DDI2: variants seen among roughly 807,000 people sequenced by gnomAD.
DDI2 encodes the protein protein DDI1 homolog 2.
Under a neutral mutation model 48.1 loss-of-function variants are expected in DDI2, and 5 were observed. The ratio of observed to expected loss-of-function variants is 0.10; its 90% confidence interval spans 0.05 to 0.22. DDI2 has a LOEUF of 0.22. Ranked by LOEUF, DDI2 falls within the 10% of genes least tolerant of loss-of-function variation. The pLI is 1.00. For missense variants in DDI2, 285 were observed against 506.2 expected, an observed-to-expected ratio of 0.56 and a Z score of 4.19; for synonymous variants, 205 against 183.6, an observed-to-expected ratio of 1.12 and a Z score of -0.94.
At chr1:15,634,483 C>T (rs972975924) in intron 4 of DDI2, among the ~76,000 whole-genome samples, 2 of 150,570 alleles carry the variant, frequency 1.3e-5, no homozygotes, top group South Asian at 4.2e-4. Context: ...TTGTATTACA[C>T]TATCTATCAA....
At chr1:15,646,516 G>C (rs954153325) in intron 6 of DDI2, among the ~76,000 whole-genome samples, 1 of 151,716 alleles carries the variant, frequency 6.6e-6, no homozygotes, top group African/African-American at 2.4e-5. Context: ...GTGAAACCCT[G>C]TCTCTACTAA....
chr1:15,652,058 C>CTTTTTTTTTTTTTTTTTTT (rs772990709), intron 8 of DDI2, among the ~76,000 whole-genome samples, 163 bp downstream of exon 8: 22 of 75,978 alleles, frequency 2.9e-4, no homozygotes, highest in African/African-American at 1.2e-3. Context: ...TTTGATCTTC[C>CTTTTTTTTTTTTTTTTTTT]TTTTTTTTTT....
intron 1 of DDI2, among the ~76,000 whole-genome samples, chr1:15,620,666 T>A (rs1046515453): frequency 6.6e-6 from 1 of 152,236 alleles, no homozygotes; most frequent in African/African-American, 2.4e-5. Context: ...GTAAAATGTT[T>A]CAGATTATGC....
At chr1:15,627,663 A>G (rs1474686557) in intron 2 of DDI2, among the ~76,000 whole-genome samples, 1 of 152,218 alleles carries the variant, frequency 6.6e-6, no homozygotes, top group Non-Finnish European at 1.5e-5. Context: ...CAAAATGATT[A>G]TAAGGTCTTA....
At chr1:15,654,373 C>A (rs566810402) in intron 8 of DDI2, among the ~76,000 whole-genome samples, 8 of 152,234 alleles carry the variant, frequency 5.3e-5, no homozygotes, top group African/African-American at 1.9e-4. Flanking sequence ...CAGTTTGAGT[C>A]AGGGCGTGGT....
chr1:15,625,496 G>T (rs1449457552), intron 1 of DDI2, among the ~76,000 whole-genome samples: 1 of 152,008 alleles, frequency 6.6e-6, no homozygotes, highest in East Asian at 1.9e-4. Flanking sequence ...TCATCTATTT[G>T]TGCTGTCAGG....
intron 6 of DDI2, among the ~76,000 whole-genome samples, chr1:15,649,468 T>A (rs1640144860): frequency 6.6e-6 from 1 of 152,000 alleles, no homozygotes; most frequent in Non-Finnish European, 1.5e-5. Context: ...GCCAAGAGTT[T>A]GAGACCAGCC....
At chr1:15,631,171 C>A (rs1246245859) in intron 3 of DDI2, among the ~76,000 whole-genome samples, 1 of 151,448 alleles carries the variant, frequency 6.6e-6, no homozygotes, top group African/African-American at 2.4e-5. Flanking sequence ...TTAGTTAGAT[C>A]TTCAATTAAA....
Position 15,661,885 on chromosome 1 carries a change from T to A in DDI2, c.*2095T>A. 1 of 1,001,462 alleles carries A rather than the reference T, an allele frequency of 1.0e-6. No homozygotes were observed. The highest frequency in any genetic ancestry group is 1.4e-6 in the Non-Finnish European group (1 of 737,648). 62.0% of individuals were successfully genotyped at this position (1,001,462 alleles called of 1,614,324 possible). A position where few individuals can be genotyped will look rare whatever the true frequency, so the allele number is the denominator to read the frequency against. ...TTTTAAAGATTTTTTTCGGCCAAAGTAATTTATGATCTTTTGTCTGATGAA... is the reference window on the plus strand; with the variant it reads ...TTTTAAAGATTTTTTTCGGCCAAAGAAATTTATGATCTTTTGTCTGATGAA... On this transcript the variant is annotated 3_prime_UTR_variant, in exon 10 of 10. Transcript: ENST00000480945.
chr1:15,644,698 A>G (rs952094944), intron 6 of DDI2, among the ~76,000 whole-genome samples: 2 of 136,554 alleles, frequency 1.5e-5, no homozygotes, highest in Non-Finnish European at 3.0e-5. Context: ...GGTTCACACC[A>G]TTCTCCTACC....
chr1:15,625,213 G>C (rs1639733555), intron 1 of DDI2, among the ~76,000 whole-genome samples: 1 of 152,194 alleles, frequency 6.6e-6, no homozygotes, highest in Non-Finnish European at 1.5e-5. Flanking sequence ...CTGTAATGAT[G>C]ATCTAGCCCA....
Position 15,660,344 on chromosome 1 carries a change from T to G in DDI2, c.*554T>G. ...GATTGGCATCCAGAAAATCAGAACC[T>G]GAGTCAAGTGAGTGACCCTCAGCAG... On this transcript the variant is annotated 3_prime_UTR_variant, in exon 10 of 10. Coordinates refer to ENST00000480945, the MANE Select transcript of DDI2 (RefSeq NM_032341.5). 3 of 1,614,144 alleles carry G rather than the reference T, an allele frequency of 1.9e-6. No individual in the cohort carries two copies. Among genetic ancestry groups the G allele is most frequent in the Non-Finnish European group, 2.5e-6 (3 of 1,180,032 alleles).
At chr1:15,656,490 T>C (rs1570991388) in intron 8 of DDI2, 127 bp from the exon 9 acceptor site, 1 of 1,586,666 alleles carries the variant, frequency 6.3e-7, no homozygotes, top group East Asian at 2.3e-5. Context: ...TACAGAAACA[T>C]CCCTCAACTT....
intron 1 of DDI2, among the ~76,000 whole-genome samples, chr1:15,619,676 T>C (rs1639625835): frequency 1.3e-5 from 2 of 151,308 alleles, no homozygotes; most frequent in South Asian, 4.2e-4. Context: ...TTAGCCAGGA[T>C]GGTCTCGATC....
Position 15,662,020 on chromosome 1 carries a change from T to A in DDI2, c.*2230T>A. 1 of 262,030 alleles carries A rather than the reference T, an allele frequency of 3.8e-6. No homozygotes were observed. Among genetic ancestry groups the A allele is most frequent in the Non-Finnish European group, 7.2e-6 (1 of 138,272 alleles). The allele number at this position is 262,030 out of a possible 1,614,324, so 16.2% of individuals were successfully genotyped here. ...ATGTATCCTGGAATAAAATGGATGGTTTTGTGTGTAGCATACTGTTTTAGA... is the reference window on the plus strand; with the variant it reads ...ATGTATCCTGGAATAAAATGGATGGATTTGTGTGTAGCATACTGTTTTAGA... On this transcript the variant is annotated 3_prime_UTR_variant, in exon 10 of 10. Coordinates refer to ENST00000480945, the MANE Select transcript of DDI2 (RefSeq NM_032341.5).
intron 1 of DDI2, among the ~76,000 whole-genome samples, chr1:15,625,785 AT>A (rs1639743779): frequency 6.6e-6 from 1 of 152,078 alleles, no homozygotes; most frequent in Non-Finnish European, 1.5e-5. Flanking sequence ...CACTGGGCTA[AT>A]TTTTGTATTT....
chr1:15,643,285 C>T (rs1187770130), intron 5 of DDI2, among the ~76,000 whole-genome samples: 1 of 152,226 alleles, frequency 6.6e-6, no homozygotes, highest in East Asian at 1.9e-4. Flanking sequence ...TTAATTATTG[C>T]ATCGCTACAG....
chr1:15,639,341 A>G (rs973848891), intron 5 of DDI2, among the ~76,000 whole-genome samples: 1 of 152,136 alleles, frequency 6.6e-6, no homozygotes, highest in Non-Finnish European at 1.5e-5. Flanking sequence ...GTGAGTTCCT[A>G]GAGTAGAAAA....
Position 15,660,490 on chromosome 1 carries a change from A to G in DDI2, c.*700A>G, listed in dbSNP as rs759544407. 2.4e-5 allele frequency: 38 copies of G among 1,613,992 alleles called. No homozygotes were observed. The South Asian group carries it at 4.2e-4, about 18-fold the overall frequency. ...TGAAGAAAGGCAACAGAATCAACAC[A>G]AAATTGTTGATTTGGAAGCTACGAT... On this transcript the variant is annotated 3_prime_UTR_variant, in exon 10 of 10. Transcript: ENST00000480945.
Sources: allele counts gnomAD v4.1 joint callset (sites outside exome capture counted in the v4.1 genomes callset), GRCh38; gene constraint gnomAD v4.1.1; transcripts MANE v1.5; gene names NCBI Gene and HGNC (gene_info 2026-07-23, HGNC 2026-07-21).